The following LPP variants were observed in gnomAD, a reference collection of about 807,000 sequenced individuals.
LPP encodes LIM domain containing preferred translocation partner in lipoma, also known as lipoma-preferred partner.
A neutral mutation model predicts 60.4 loss-of-function variants in LPP; 38 were observed. The ratio of observed to expected loss-of-function variants is 0.63; its 90% CI spans 0.49 to 0.83. LPP has a LOEUF of 0.83. LPP is among the 40% of genes least tolerant of loss of function. The pLI is 0.00. For missense variants in LPP, 902 were observed against 783.6 expected (o/e 1.15, Z -1.80); for synonymous variants, 328 against 290.8 (o/e 1.13, Z -1.30).
intron 7 of LPP, among the ~76,000 whole-genome samples, chr3:188,645,169 G>A (rs1346745549): frequency 1.3e-5 from 2 of 151,940 alleles, no homozygotes; most frequent in African/African-American, 2.4e-5. Context: ...ACCTTCCAAA[G>A]CAAGTACTTT....
At chr3:188,641,984 A>G (rs1850237821) in intron 7 of LPP, among the ~76,000 whole-genome samples, 1 of 152,206 alleles carries the variant, frequency 6.6e-6, no homozygotes, top group African/African-American at 2.4e-5. Flanking sequence ...AAGAAGGCCT[A>G]TTACCATCAG....
At chr3:188,539,866 C>T (rs1163392443) in intron 6 of LPP, among the ~76,000 whole-genome samples, 1 of 152,076 alleles carries the variant, frequency 6.6e-6, no homozygotes, top group Non-Finnish European at 1.5e-5. Context: ...ATGGTACTCC[C>T]ATTGTTGGTT....
intron 9 of LPP, among the ~76,000 whole-genome samples, chr3:188,819,388 GA>G (rs917128049): frequency 1.7e-4 from 24 of 144,486 alleles, no homozygotes; most frequent in East Asian, 6.0e-4. Flanking sequence ...TCGCTATAAA[GA>G]AAAAAAAAAC....
intron 2 of LPP, among the ~76,000 whole-genome samples, chr3:188,240,342 AGT>A (rs75173733): frequency 0.024 from 3,429 of 143,038 alleles, 39 homozygotes; most frequent in Middle Eastern, 0.042. Flanking sequence ...TTTGGGTAAG[AGT>A]GTGTGTGTGT....
chr3:188,224,571 G>T (rs187349692), intron 1 of LPP, among the ~76,000 whole-genome samples: 5 of 152,238 alleles, frequency 3.3e-5, no homozygotes, highest in Admixed American at 1.3e-4. Flanking sequence ...AAGAAAGAAG[G>T]TGTAATTGGG....
intron 8 of LPP, among the ~76,000 whole-genome samples, chr3:188,753,857 A>T (rs2150362434): frequency 6.6e-6 from 1 of 152,198 alleles, no homozygotes; most frequent in African/African-American, 2.4e-5. Context: ...TTCCCCCACT[A>T]GCCACGTACC....
At chr3:188,641,069 G>T (rs950177856) in intron 7 of LPP, among the ~76,000 whole-genome samples, 12 of 152,018 alleles carry the variant, frequency 7.9e-5, no homozygotes, top group African/African-American at 2.9e-4. Context: ...ATTTGCAGTG[G>T]ATTTTTCTCA....
chr3:188,237,636 A>G (rs7623558), intron 2 of LPP, among the ~76,000 whole-genome samples: 5,233 of 152,220 alleles, frequency 0.034, 164 homozygotes, highest in African/African-American at 0.079. Context: ...GTGACCAGGT[A>G]TGAGAAGAAA....
chr3:188,473,832 A>G (rs976430313), intron 4 of LPP, among the ~76,000 whole-genome samples: 5 of 152,348 alleles, frequency 3.3e-5, no homozygotes, highest in African/African-American at 1.2e-4. Context: ...GAGAAGATCA[A>G]TACAGTACAG....
chr3:188,390,094 G>A (rs1389640470), intron 3 of LPP, among the ~76,000 whole-genome samples: 3 of 152,144 alleles, frequency 2.0e-5, no homozygotes, highest in Non-Finnish European at 4.4e-5. Context: ...TATTACAGAG[G>A]TAGAAGCGTC....
intron 6 of LPP, among the ~76,000 whole-genome samples, chr3:188,532,185 T>C (rs1822362787): frequency 1.3e-5 from 2 of 152,136 alleles, no homozygotes; most frequent in African/African-American, 4.8e-5. Flanking sequence ...GGCAGGTTGA[T>C]TGCTTGAGGT....
chr3:188,471,900 A>G (rs1272628221), intron 4 of LPP, among the ~76,000 whole-genome samples: 1 of 152,186 alleles, frequency 6.6e-6, no homozygotes, highest in Non-Finnish European at 1.5e-5. Context: ...TACCTCAGCT[A>G]AGAGTAAACA....
chr3:188,154,212 G>GCCGCCACCA lies in LPP; in HGVS notation c.-228_-227insGCCACCACC, dbSNP rs1553796054. Among the ~76,000 whole-genome samples the GCCGCCACCA allele has an allele frequency of 1.3e-5, 2 of 151,622 alleles. No homozygotes were observed. Among genetic ancestry groups the GCCGCCACCA allele is most frequent in the Non-Finnish European group, 2.9e-5 (2 of 67,830 alleles). ...AGCCGCCGCCGCCGCCGCCGCCGCC[G>GCCGCCACCA]CCACCACCACCGCCGCTGCCCCGGC... On this transcript the variant is annotated 5_prime_UTR_variant, in exon 1 of 12. Transcript: ENST00000617246.
chr3:188,297,891 A>G (rs181695485), intron 2 of LPP, among the ~76,000 whole-genome samples: 87 of 152,356 alleles, frequency 5.7e-4, no homozygotes, highest in South Asian at 8.3e-4. Flanking sequence ...GACATATGTC[A>G]TAGAAATGTA....
At chr3:188,729,913 G>A (rs997406510) in intron 8 of LPP, among the ~76,000 whole-genome samples, 2 of 151,950 alleles carry the variant, frequency 1.3e-5, no homozygotes, top group South Asian at 2.1e-4. Flanking sequence ...CTTAAGTTCA[G>A]GAATTTTTGG....
intron 6 of LPP, among the ~76,000 whole-genome samples, chr3:188,537,609 T>C (rs189849256): frequency 1.3e-3 from 204 of 152,268 alleles, no homozygotes; most frequent in African/African-American, 4.7e-3. Context: ...AAAGAAGCCC[T>C]AAATCTATGG....
At chr3:188,836,578 A>C (rs1202666182) in intron 9 of LPP, among the ~76,000 whole-genome samples, 1 of 152,192 alleles carries the variant, frequency 6.6e-6, no homozygotes, top group African/African-American at 2.4e-5. Flanking sequence ...CAATGCATGA[A>C]TGAATGCATG....
intron 4 of LPP, among the ~76,000 whole-genome samples, chr3:188,407,705 A>T (rs184598461): frequency 6.7e-6 from 1 of 149,630 alleles, no homozygotes; most frequent in East Asian, 2.0e-4. Flanking sequence ...TGGGAATGGG[A>T]TCTGGAAGAG....
At chr3:188,354,642 C>G (rs900374163) in intron 3 of LPP, among the ~76,000 whole-genome samples, 1 of 152,218 alleles carries the variant, frequency 6.6e-6, no homozygotes, top group Non-Finnish European at 1.5e-5. Context: ...AAACCAAACA[C>G]TATCTTTATA....
Sources: allele counts gnomAD v4.1 joint callset (sites outside exome capture counted in the v4.1 genomes callset), GRCh38; gene constraint gnomAD v4.1.1; transcripts MANE v1.5; gene names NCBI Gene and HGNC (gene_info 2026-07-23, HGNC 2026-07-21).